Variants in SFXN5 observed in about 807,000 individuals in gnomAD.
SFXN5 encodes the protein sideroflexin-5.
SFXN5 carries 43 observed loss-of-function variants against 50.2 expected under a neutral mutation model. The observed-to-expected ratio is 0.86, with a 90% CI of 0.67 to 1.11. The LOEUF (loss-of-function observed/expected upper bound fraction) is 1.11. SFXN5 is among the 50% of genes least tolerant of loss of function. SFXN5 has a pLI of 0.00. For synonymous variants in SFXN5, 203 were observed against 185.8 expected, an observed-to-expected ratio of 1.09 and a Z score of -0.75; for missense variants, 463 against 454.1, an observed-to-expected ratio of 1.02 and a Z score of -0.18.
At chr2:72,970,292 G>T (rs1156408796) in intron 11 of SFXN5, among the ~76,000 whole-genome samples, 1 of 152,222 alleles carries the variant, frequency 6.6e-6, no homozygotes, top group Admixed American at 6.5e-5. Flanking sequence ...GGAAGGCCTG[G>T]GAGAGGCCCC....
At position 73,021,795 on chromosome 2, in the gene SFXN5, C is replaced by T. The variant is rs568808131; in HGVS notation, c.331+727G>A. ...GCACTGAGAAATGGCAAGAAGGAGG[C>T]GTCAGCACACCCATGAGTGTGACTC... On this transcript the variant is annotated intron_variant, in intron 5 of 13. Coordinates refer to ENST00000272433, the MANE Select transcript of SFXN5 (RefSeq NM_144579.3). 7.4e-4 allele frequency among the ~76,000 whole-genome samples: 113 copies of T among 152,306 alleles called. 3 individuals are homozygous for T. In the South Asian group the frequency reaches 0.022, roughly 30 times the overall value.
chr2:73,063,577 C>T (rs1682967689), intron 1 of SFXN5, among the ~76,000 whole-genome samples: 1 of 152,094 alleles, frequency 6.6e-6, no homozygotes, highest in South Asian at 2.1e-4. Context: ...GACCAGAAAC[C>T]CCTTATTTGC....
In SFXN5 at chr2:72,961,250, T is replaced by C; in HGVS notation, c.828-2A>G. The C allele has an allele frequency of 2.0e-6, 3 of 1,521,636 alleles. No individual in the cohort carries two copies. The highest frequency in any genetic ancestry group is 2.1e-4 in the Middle Eastern group (1 of 4,724). The allele number at this position is 1,521,636 out of a possible 1,614,324, so 94.3% of individuals were successfully genotyped here. On this transcript the variant is annotated splice_acceptor_variant, in intron 12 of 13. Coordinates refer to ENST00000272433, the MANE Select transcript of SFXN5 (RefSeq NM_144579.3). LOFTEE classifies it high-confidence loss of function. The surrounding 1 kb of genome is among the most constrained non-coding windows in gnomAD (Gnocchi z 4.4). ...GGGCGTGCCTGCAGGAGAGCCGTCC[T>C]GTGAGGGAGAGAGGAGGGAGCCCCA...
Position 72,968,743 on chromosome 2 carries a change from CCTCT to C in SFXN5, c.742-214_742-211del, listed in dbSNP as rs1362702068. ...TCCTTCCTTCCTCCTTCCCTCCCTC[CCTCT>C]TTCTTTCCTTCCTTTTTTCTTTCCT... On this transcript the variant is annotated intron_variant, in intron 11 of 13. Transcript: ENST00000272433. Among the ~76,000 whole-genome samples, 10 of 151,428 alleles carry C rather than the reference CCTCT, an allele frequency of 6.6e-5. No individual in the cohort carries two copies. The East Asian group carries it at 1.4e-3, about 21-fold the overall frequency.
intron 2 of SFXN5, among the ~76,000 whole-genome samples, chr2:73,052,364 G>GTA (rs1559208413): frequency 0.075 from 7,998 of 107,124 alleles, 408 homozygotes; most frequent in East Asian, 0.34. Context: ...GTATGCGTGT[G>GTA]TGTGTGTGTG....
chr2:73,071,507 G>C lies in SFXN5; in HGVS notation c.102+97C>G, dbSNP rs1446064288. Reference sequence around the variant, plus strand: ...GCTAGCTGCAGGCTCCGCTGGCCGCGGGTGGGAGACCCTTGGGCGGAAGGG... The same window carrying C: ...GCTAGCTGCAGGCTCCGCTGGCCGCCGGTGGGAGACCCTTGGGCGGAAGGG... On this transcript the variant is annotated intron_variant, in intron 1 of 13. Transcript: ENST00000272433. The C allele has an allele frequency of 1.9e-5, 22 of 1,138,626 alleles. No individual in the cohort carries two copies. In the South Asian group the frequency reaches 2.7e-4, roughly 14 times the overall value. 70.5% of individuals were successfully genotyped at this position (1,138,626 alleles called of 1,614,324 possible).
intron 11 of SFXN5, among the ~76,000 whole-genome samples, chr2:72,968,816 T>C (rs1674801566): frequency 6.6e-6 from 1 of 151,962 alleles, no homozygotes; most frequent in Admixed American, 6.5e-5. Context: ...TTCTTTCTTT[T>C]TTTTGAGACA....
chr2:72,952,261 A>G (rs1423868708), intron 13 of SFXN5, among the ~76,000 whole-genome samples: 1 of 152,110 alleles, frequency 6.6e-6, no homozygotes, highest in Non-Finnish European at 1.5e-5. Flanking sequence ...CTATATCCTG[A>G]CCCTCTAAGG....
At chr2:73,063,099 A>G (rs1682937453) in intron 1 of SFXN5, among the ~76,000 whole-genome samples, 1 of 152,250 alleles carries the variant, frequency 6.6e-6, no homozygotes, top group East Asian at 1.9e-4. Context: ...TAACCAGAAT[A>G]GGGACAGGAA....
rs1671623406 is a variant in SFXN5 at position 72,943,351 on chromosome 2, G to A, written c.*1671C>T. On this transcript the variant is annotated 3_prime_UTR_variant, in exon 14 of 14. Transcript: ENST00000272433. ...ACCTCTGGCCTAAGTCTCCCCTGAG[G>A]TGGAGACCCCGGGGGAGGGAGGCCT... 1 of 152,332 alleles carries A rather than the reference G, an allele frequency of 6.6e-6. No homozygotes were observed. Among genetic ancestry groups the A allele is most frequent in the Non-Finnish European group, 1.5e-5 (1 of 68,152 alleles). The allele number at this position is 152,332 out of a possible 1,614,324, so 9.4% of individuals were successfully genotyped here.
intron 1 of SFXN5, among the ~76,000 whole-genome samples, chr2:73,064,527 T>C (rs1022069204): frequency 2.0e-5 from 3 of 152,242 alleles, no homozygotes; most frequent in Non-Finnish European, 4.4e-5. Flanking sequence ...TTAAAATATA[T>C]AACCACCTGC....
In SFXN5 at chr2:73,001,567, A is replaced by G; in HGVS notation, c.369T>C (p.Leu123=). 2.5e-6 allele frequency: 4 copies of G among 1,614,184 alleles called. No homozygotes were observed. Among genetic ancestry groups the G allele is most frequent in the Non-Finnish European group, 3.4e-6 (4 of 1,180,024 alleles). ...ATGCCAGTGTCTGGTTGGGCAAGAG[A>G]AGACCGACTACCTATGAGCAAGAGA... is the stretch of plus-strand genomic sequence containing the variant. ...IPFGTPIVVG[L]LLPNQTLAST... The change falls in exon 7 of 14, where the codon CTT becomes CTC. Residue 123 remains leucine (L), a synonymous_variant. Transcript: ENST00000272433.
At chr2:73,046,662 A>T (rs776031452) in intron 2 of SFXN5, among the ~76,000 whole-genome samples, 12 of 152,092 alleles carry the variant, frequency 7.9e-5, no homozygotes, top group Non-Finnish European at 1.2e-4. Context: ...ACTATTTTTA[A>T]AGTTATAAAG....
intron 6 of SFXN5, among the ~76,000 whole-genome samples, chr2:73,005,717 C>T (rs1179506668): frequency 6.6e-6 from 1 of 152,200 alleles, no homozygotes; most frequent in African/African-American, 2.4e-5. Flanking sequence ...TCTTATCCCT[C>T]AGAGAACAGA....
rs1672721117 is a variant in SFXN5 at position 72,992,539 on chromosome 2, C to T, written c.535-4191G>A. ...AGGTTGTCTCGTTCTTCCTCACCCACACCCCAGCCTCCTCGCCCATTTCCA... is the reference window on the plus strand; with the variant it reads ...AGGTTGTCTCGTTCTTCCTCACCCATACCCCAGCCTCCTCGCCCATTTCCA... On this transcript the variant is annotated intron_variant, in intron 9 of 13. Transcript: ENST00000272433. This position sits in a 1 kb window ranked among gnomAD's most constrained non-coding sequence, Gnocchi z 4.5. Among the ~76,000 whole-genome samples, 1 of 152,220 alleles carries T rather than the reference C, an allele frequency of 6.6e-6. No homozygotes were observed. Among genetic ancestry groups the T allele is most frequent in the Non-Finnish European group, 1.5e-5 (1 of 68,034 alleles).
At position 72,950,334 on chromosome 2, in the gene SFXN5, C is replaced by T. The variant is rs1420680543; in HGVS notation, c.946-5235G>A. Among the ~76,000 whole-genome samples, 1 of 152,172 alleles carries T rather than the reference C, an allele frequency of 6.6e-6. No homozygotes were observed. The highest frequency in any genetic ancestry group is 1.5e-5 in the Non-Finnish European group (1 of 68,026). On this transcript the variant is annotated intron_variant, in intron 13 of 13. Coordinates refer to ENST00000272433, the MANE Select transcript of SFXN5 (RefSeq NM_144579.3). This position sits in a 1 kb window ranked among gnomAD's most constrained non-coding sequence, Gnocchi z 4.2. ...GGTCTTGGCAACTGGATTTCAGTGA[C>T]TGCCTGGGGTCCACATTGTCCGACC... is the stretch of plus-strand genomic sequence containing the variant.
intron 3 of SFXN5, among the ~76,000 whole-genome samples, chr2:73,035,961 TG>T (rs1678920302): frequency 6.6e-6 from 1 of 152,026 alleles, no homozygotes; most frequent in African/African-American, 2.4e-5. Context: ...GATGACAAAC[TG>T]GGTAAAAAAA....
At chr2:73,018,481 T>A (rs1017733592) in intron 6 of SFXN5, among the ~76,000 whole-genome samples, 1 of 152,080 alleles carries the variant, frequency 6.6e-6, no homozygotes, top group African/African-American at 2.4e-5. Context: ...AAGACTGTAT[T>A]AACAGTATCT....
chr2:72,948,250 T>C (rs1192407181), intron 13 of SFXN5, among the ~76,000 whole-genome samples: 20 of 152,236 alleles, frequency 1.3e-4, no homozygotes, highest in Admixed American at 1.3e-3. Context: ...TGTAAAATGT[T>C]TGAAGAATCC....
Sources: allele counts gnomAD v4.1 joint callset (sites outside exome capture counted in the v4.1 genomes callset), GRCh38; gene constraint gnomAD v4.1.1; non-coding constraint Gnocchi (gnomAD v3.1); transcripts MANE v1.5; gene names NCBI Gene and HGNC (gene_info 2026-07-23, HGNC 2026-07-21).